KIF26B: variants seen among roughly 807,000 people sequenced by gnomAD.
KIF26B encodes the protein kinesin-like protein KIF26B.
Under a neutral mutation model 151.2 loss-of-function variants are expected in KIF26B, and 63 were observed. The observed-to-expected ratio is 0.42, with a 90% CI of 0.34 to 0.51. The LOEUF (loss-of-function observed/expected upper bound fraction) is 0.51, where lower values mean the gene tolerates loss of function less well. KIF26B is among the 20% of genes least tolerant of loss of function. The pLI is 0.07. For synonymous variants in KIF26B, 1,357 were observed against 1,262.1 expected (o/e 1.08, Z -1.59); for missense variants, 2,813 against 2,913.6 (o/e 0.97, Z 0.79).
intron 4 of KIF26B, among the ~76,000 whole-genome samples, chr1:245,465,548 C>T (rs1659768370): frequency 6.6e-6 from 1 of 152,222 alleles, no homozygotes; most frequent in Non-Finnish European, 1.5e-5. Flanking sequence ...TTGCTTTCCT[C>T]TGTGTTCCGT....
intron 5 of KIF26B, among the ~76,000 whole-genome samples, chr1:245,586,940 C>T (rs935015227): frequency 7.2e-5 from 11 of 151,894 alleles, no homozygotes; most frequent in African/African-American, 2.4e-4. Flanking sequence ...GCCCTTCCCA[C>T]GTGCCGGGCT....
intron 5 of KIF26B, among the ~76,000 whole-genome samples, chr1:245,543,315 C>T (rs539542325): frequency 6.6e-6 from 1 of 152,270 alleles, no homozygotes; most frequent in East Asian, 1.9e-4. Flanking sequence ...TCATGATGTA[C>T]CATATGTAGT....
rs375122120 is a variant in KIF26B, at chr1:245,607,933, A to G, written c.1651+189A>G. Among the ~76,000 whole-genome samples, 11 of 152,358 alleles carry G rather than the reference A, an allele frequency of 7.2e-5. No homozygotes were observed. The East Asian group carries it at 2.1e-3, about 29-fold the overall frequency. On this transcript the variant is annotated intron_variant, in intron 7 of 14. Coordinates refer to ENST00000407071, the MANE Select transcript of KIF26B (RefSeq NM_018012.4). ...GTTCATTGTAGGTGGACACCCATTC[A>G]TGTAGGAAAGCCTTCAAGTCCAAAT...
intron 4 of KIF26B, among the ~76,000 whole-genome samples, chr1:245,455,831 G>T (rs984088291): frequency 1.3e-5 from 2 of 152,198 alleles, no homozygotes; most frequent in Non-Finnish European, 2.9e-5. Flanking sequence ...CTCAGGACAT[G>T]GCTGCCCAGT....
rs559085463 is a variant in KIF26B, at chr1:245,394,212, G to A, written c.1000-25367G>A. Among the ~76,000 whole-genome samples the A allele has an allele frequency of 4.6e-5, 7 of 152,282 alleles. No individual in the cohort carries two copies. The East Asian group carries it at 5.8e-4, about 13-fold the overall frequency. ...TTCCTCTCCCATTTTCTCTGTCGTC[G>A]TGAGTTTCTGCCATCTTAAAAATTC... On this transcript the variant is annotated intron_variant, in intron 3 of 14. Coordinates refer to ENST00000407071, the MANE Select transcript of KIF26B (RefSeq NM_018012.4).
chr1:245,643,635 A>C (rs1201356063), intron 9 of KIF26B, among the ~76,000 whole-genome samples: 1 of 152,188 alleles, frequency 6.6e-6, no homozygotes, highest in Non-Finnish European at 1.5e-5. Flanking sequence ...ATATTTACCC[A>C]TGTGGTTATC....
chr1:245,237,050 T>C (rs3008471), intron 2 of KIF26B, among the ~76,000 whole-genome samples: 151,821 of 152,350 alleles, frequency 1, 75,651 homozygotes, highest in Middle Eastern at 1. Context: ...TAGCAGAATT[T>C]GTCTGCAATG....
chr1:245,469,605 T>C (rs1659865897), intron 4 of KIF26B, among the ~76,000 whole-genome samples: 1 of 152,240 alleles, frequency 6.6e-6, no homozygotes, highest in Admixed American at 6.5e-5. Flanking sequence ...GTTACCTGAA[T>C]TCCAGGTGGG....
intron 2 of KIF26B, among the ~76,000 whole-genome samples, chr1:245,347,582 C>T (rs1257915494): frequency 2.0e-5 from 3 of 152,172 alleles, no homozygotes; most frequent in Non-Finnish European, 2.9e-5. Flanking sequence ...TCCCCCTAAA[C>T]GGATAGCAGG....
At position 245,570,749 on chromosome 1, in the gene KIF26B, C is replaced by T. The variant is rs148678218; in HGVS notation, c.1350+29799C>T. On this transcript the variant is annotated intron_variant, in intron 5 of 14. Coordinates refer to ENST00000407071, the MANE Select transcript of KIF26B (RefSeq NM_018012.4). ...ATGGTAGACAATTTGTGTGAGTCCACGAGCCCTTCAGTGTTAAACATCATT... is the reference window on the plus strand; with the variant it reads ...ATGGTAGACAATTTGTGTGAGTCCATGAGCCCTTCAGTGTTAAACATCATT... Among the ~76,000 whole-genome samples, 14 of 152,316 alleles carry T rather than the reference C, an allele frequency of 9.2e-5. No individual in the cohort carries two copies. In the South Asian group the frequency reaches 1.5e-3, roughly 16 times the overall value.
intron 2 of KIF26B, among the ~76,000 whole-genome samples, chr1:245,219,222 T>C (rs952213663): frequency 1.4e-5 from 2 of 139,836 alleles, no homozygotes; most frequent in African/African-American, 5.2e-5. Context: ...CACTGCAAGC[T>C]TTGCCTCCCG....
intron 6 of KIF26B, among the ~76,000 whole-genome samples, chr1:245,607,142 A>G (rs1191882611): frequency 6.6e-6 from 1 of 151,956 alleles, no homozygotes; most frequent in Non-Finnish European, 1.5e-5. Flanking sequence ...GAAAGCAGAT[A>G]TATATCACAA....
intron 4 of KIF26B, among the ~76,000 whole-genome samples, chr1:245,476,523 TTTATTTAC>T (rs55749930): frequency 0.087 from 11,318 of 129,716 alleles, 548 homozygotes; most frequent in East Asian, 0.2. Flanking sequence ...TATTTATTTA[TTTATTTAC>T]TTACTTACTT....
At chr1:245,671,548 A>G (rs942762810) in intron 10 of KIF26B, among the ~76,000 whole-genome samples, 10 of 152,204 alleles carry the variant, frequency 6.6e-5, no homozygotes, top group Admixed American at 2.6e-4. Flanking sequence ...GAGATAAAGG[A>G]TGTGATGGTT....
intron 12 of KIF26B, among the ~76,000 whole-genome samples, chr1:245,694,368 C>A (rs902127995): frequency 2.0e-5 from 3 of 152,226 alleles, no homozygotes; most frequent in Admixed American, 1.3e-4. Context: ...CTAGTGCCTA[C>A]TCTTTGAATC....
intron 5 of KIF26B, among the ~76,000 whole-genome samples, chr1:245,550,623 C>G (rs1661859229): frequency 6.6e-6 from 1 of 152,240 alleles, no homozygotes; most frequent in Admixed American, 6.5e-5. Context: ...TGAGACCATG[C>G]AGTGAGATTG....
At chr1:245,416,926 A>C (rs2103034681) in intron 3 of KIF26B, among the ~76,000 whole-genome samples, 1 of 152,340 alleles carries the variant, frequency 6.6e-6, no homozygotes, top group Non-Finnish European at 1.5e-5. Context: ...TAGAGCAGGC[A>C]TTTGGAGGGA....
chr1:245,649,343 C>T (rs544763249), intron 10 of KIF26B, among the ~76,000 whole-genome samples: 1 of 152,144 alleles, frequency 6.6e-6, no homozygotes, highest in African/African-American at 2.4e-5. Flanking sequence ...TCAGAGGCCT[C>T]GACAGTTCCC....
At chr1:245,659,541 C>G (rs952420631) in intron 10 of KIF26B, among the ~76,000 whole-genome samples, 3 of 152,170 alleles carry the variant, frequency 2.0e-5, no homozygotes, top group African/African-American at 7.2e-5. Context: ...GATAAAATAG[C>G]AAACATATAT....
Sources: gnomAD v4.1 joint callset for allele counts (sites outside exome capture counted in the v4.1 genomes callset) on GRCh38, gnomAD v4.1.1 for gene constraint, MANE v1.5 for transcripts, NCBI Gene and HGNC (gene_info 2026-07-23, HGNC 2026-07-21) for gene names.